FAT1: variants seen among roughly 807,000 people sequenced by gnomAD.
The protein encoded by FAT1 is FAT atypical cadherin 1.
FAT1 carries 171 observed loss-of-function variants against 329.8 expected under a neutral mutation model. The ratio of observed to expected loss-of-function variants is 0.52; its 90% confidence interval spans 0.46 to 0.59. The LOEUF (loss-of-function observed/expected upper bound fraction) is 0.59. FAT1 is among the 20% of genes least tolerant of loss of function. FAT1 has a pLI of 0.00. For missense variants in FAT1, 5,672 were observed against 5,774.4 expected (o/e 0.98, Z 0.57); for synonymous variants, 2,233 against 2,228.6 (o/e 1.00, Z -0.06).
chr4:186,610,055 C>T (rs201008094), intron 14 of FAT1, 40 bp from the exon 15 acceptor site: 3 of 1,287,502 alleles, frequency 2.3e-6, no homozygotes, highest in Middle Eastern at 2.4e-4. Context: ...TTCTGCAATG[C>T]CACCACATTT....
chr4:186,682,587 C>A (rs1183407043), intron 2 of FAT1, among the ~76,000 whole-genome samples: 7 of 148,738 alleles, frequency 4.7e-5, no homozygotes, highest in African/African-American at 1.8e-4. Flanking sequence ...TGCATGAAGA[C>A]AGACTTTTTG....
intron 1 of FAT1, among the ~76,000 whole-genome samples, chr4:186,715,212 C>T (rs79745969): frequency 0.022 from 3,301 of 151,644 alleles, 119 homozygotes; most frequent in African/African-American, 0.076. Context: ...TTTGGCTGTT[C>T]TCTCCCCATG....
intron 3 of FAT1, among the ~76,000 whole-genome samples, chr4:186,641,233 GA>G (rs1396282763): frequency 6.6e-6 from 1 of 152,202 alleles, no homozygotes; most frequent in Non-Finnish European, 1.5e-5. Flanking sequence ...AAGGGCAACA[GA>G]AGGCTATATC....
At chr4:186,640,281 C>T (rs560861252) in intron 3 of FAT1, among the ~76,000 whole-genome samples, 32 of 152,284 alleles carry the variant, frequency 2.1e-4, no homozygotes, top group Admixed American at 8.5e-4. Context: ...TACTTTCTCA[C>T]TTTAATGACT....
chr4:186,630,095 A>C (rs1740517496), intron 7 of FAT1, among the ~76,000 whole-genome samples: 1 of 152,226 alleles, frequency 6.6e-6, no homozygotes, highest in Non-Finnish European at 1.5e-5. Context: ...TCCATGCCCA[A>C]TGCTTGCCTG....
At chr4:186,607,608 T>A (rs1579310256) in intron 16 of FAT1, among the ~76,000 whole-genome samples, 1 of 149,014 alleles carries the variant, frequency 6.7e-6, no homozygotes, top group African/African-American at 2.5e-5. Flanking sequence ...ATGGGTGGGG[T>A]GGATGGATGG....
At chr4:186,594,304 G>A (rs55937901) in intron 26 of FAT1, among the ~76,000 whole-genome samples, 5,951 of 151,624 alleles carry the variant, frequency 0.039, 377 homozygotes, top group African/African-American at 0.14. Context: ...CTTGTGATCC[G>A]CCCGCCTTCA....
chr4:186,719,681 C>G (rs1745376415), intron 1 of FAT1, among the ~76,000 whole-genome samples: 1 of 152,204 alleles, frequency 6.6e-6, no homozygotes, highest in African/African-American at 2.4e-5. Flanking sequence ...CCTTTCGACT[C>G]TATGTATTCG....
chr4:186,617,182 C>T lies in FAT1; in HGVS notation c.8898G>A (p.Gln2966=), dbSNP rs764175209. ...YFITGGDPLG[Q]FAVETIQNEW... ...CATTCTGTATAGTTTCAACGGCAAA[C>T]TGTCCTAAAGGATCCCCTCCTATTA... Residue 2966 remains glutamine (Q), a synonymous_variant, in exon 11 of 27, where the codon CAG becomes CAA. Coordinates refer to ENST00000441802, the MANE Select transcript of FAT1 (RefSeq NM_005245.4). The T allele has an allele frequency of 3.1e-6, 5 of 1,608,626 alleles. No individual in the cohort carries two copies. Among genetic ancestry groups the T allele is most frequent in the Non-Finnish European group, 4.2e-6 (5 of 1,177,596 alleles).
At chr4:186,679,251 C>T (rs1743087256) in intron 2 of FAT1, among the ~76,000 whole-genome samples, 2 of 151,772 alleles carry the variant, frequency 1.3e-5, no homozygotes, top group Admixed American at 1.3e-4. Flanking sequence ...ACAAATAACA[C>T]TAAAAATACA....
At chr4:186,703,040 G>T (rs327070) in intron 2 of FAT1, among the ~76,000 whole-genome samples, 116,659 of 152,036 alleles carry the variant, frequency 0.77, 45,084 homozygotes, top group African/African-American at 0.84. Context: ...CCAAATAATT[G>T]TTCACATGGC....
chr4:186,634,265 T>A (rs936989782), intron 6 of FAT1, among the ~76,000 whole-genome samples: 6 of 152,126 alleles, frequency 3.9e-5, no homozygotes, highest in Admixed American at 1.3e-4. Context: ...CTAAAAAAAA[T>A]AGCGGTCGTT....
intron 3 of FAT1, among the ~76,000 whole-genome samples, chr4:186,658,951 A>T (rs893189554): frequency 2.0e-5 from 3 of 152,316 alleles, no homozygotes; most frequent in Admixed American, 6.5e-5. Context: ...TGGTAAAAAA[A>T]TTTCATAGTT....
intron 7 of FAT1, among the ~76,000 whole-genome samples, chr4:186,630,301 T>C (rs900765760): frequency 1.8e-4 from 28 of 151,922 alleles, no homozygotes; most frequent in African/African-American, 6.8e-4. Context: ...GGTTGGCAGG[T>C]GAGTAAGTAT....
In FAT1 at chr4:186,600,343, C is replaced by T. The variant is rs2126415241; in HGVS notation, c.11658G>A (p.Leu3886=). 5.0e-6 allele frequency: 8 copies of T among 1,612,018 alleles called. No individual in the cohort carries two copies. The highest frequency in any genetic ancestry group is 2.2e-5 in the South Asian group (2 of 90,656). The part of the protein sequence containing the change: ...YSILEIHHGR[L]QYKFDCGSGP... ...CACTTCCACAGTCAAACTTGTACTG[C>T]AGCCTTCCATGATGAATCTAGGATA... is the stretch of plus-strand genomic sequence containing the variant. Residue 3886 remains leucine (L), a synonymous_variant, in exon 22 of 27, where the codon CTG becomes CTA. Transcript: ENST00000441802.
chr4:186,623,363 C>CTGTA (rs1406861681), intron 9 of FAT1, among the ~76,000 whole-genome samples: 1 of 152,212 alleles, frequency 6.6e-6, no homozygotes, highest in Non-Finnish European at 1.5e-5. Flanking sequence ...CTCATCCCAC[C>CTGTA]TGTACATCAC....
At position 186,596,283 on chromosome 4, in the gene FAT1, T is replaced by C. The variant is rs890837937; in HGVS notation, c.13000+257A>G. ...AAAAAATTATAGATGAGAACCTTTA[T>C]CAATTATAAAATGAAATGATCTCTC... is the stretch of plus-strand genomic sequence containing the variant. On this transcript the variant is annotated intron_variant, in intron 25 of 26. Coordinates refer to ENST00000441802, the MANE Select transcript of FAT1 (RefSeq NM_005245.4). The surrounding 1 kb of genome is among the most constrained non-coding windows in gnomAD (Gnocchi z 4.7). Among the ~76,000 whole-genome samples the C allele has an allele frequency of 1.6e-4, 25 of 152,194 alleles. No homozygotes were observed. Among genetic ancestry groups the C allele is most frequent in the African/African-American group, 5.8e-4 (24 of 41,444 alleles).
At chr4:186,595,891 T>C in intron 25 of FAT1, 65 bp from the exon 26 acceptor site, 1 of 1,562,336 alleles carries the variant, frequency 6.4e-7, no homozygotes, top group Non-Finnish European at 8.8e-7. Context: ...CGCTGAATCC[T>C]GAGACACACC....
intron 3 of FAT1, among the ~76,000 whole-genome samples, chr4:186,662,030 C>T (rs1742199952): frequency 6.6e-6 from 1 of 151,232 alleles, no homozygotes; most frequent in African/African-American, 2.4e-5. Flanking sequence ...CGGCCAGCCC[C>T]CCAAACACAC....
Sources: allele counts gnomAD v4.1 joint callset (sites outside exome capture counted in the v4.1 genomes callset), GRCh38; gene constraint gnomAD v4.1.1; non-coding constraint Gnocchi (gnomAD v3.1); transcripts MANE v1.5; gene names NCBI Gene and HGNC (gene_info 2026-07-23, HGNC 2026-07-21).